TRPC1: variants seen among roughly 807,000 people sequenced by gnomAD.
TRPC1 encodes the protein transient receptor potential cation channel subfamily C member 1, also known as short transient receptor potential channel 1.
Under a neutral mutation model 88.2 loss-of-function variants are expected in TRPC1, and 42 were observed. The observed-to-expected ratio is 0.48, with a 90% CI of 0.37 to 0.62. The LOEUF is 0.62. Among genes scored for constraint, TRPC1 ranks in the 20% least tolerant of loss-of-function variants. TRPC1 has a pLI of 0.00. For missense variants in TRPC1, 699 were observed against 957.3 expected (o/e 0.73, Z 3.56); for synonymous variants, 288 against 331.8 (o/e 0.87, Z 1.43).
At chr3:142,766,774 G>C (rs986162406) in intron 4 of TRPC1, among the ~76,000 whole-genome samples, 1 of 152,088 alleles carries the variant, frequency 6.6e-6, no homozygotes, top group Non-Finnish European at 1.5e-5. Flanking sequence ...TTGCTCCTCA[G>C]CCTGCAGACG....
chr3:142,803,028 C>A (rs1322126719), intron 10 of TRPC1, among the ~76,000 whole-genome samples: 1 of 152,094 alleles, frequency 6.6e-6, no homozygotes, highest in Non-Finnish European at 1.5e-5. Context: ...AAGTGCTGAG[C>A]AAATGAAGTA....
At chr3:142,754,535 A>G (rs1934892544) in intron 4 of TRPC1, among the ~76,000 whole-genome samples, 1 of 152,234 alleles carries the variant, frequency 6.6e-6, no homozygotes, top group African/African-American at 2.4e-5. Flanking sequence ...AAGTATAATA[A>G]AAAAATAAAA....
chr3:142,796,807 A>G (rs1406119516), intron 9 of TRPC1, among the ~76,000 whole-genome samples: 1 of 152,124 alleles, frequency 6.6e-6, no homozygotes, highest in East Asian at 1.9e-4. Flanking sequence ...TGAATCTGGC[A>G]TTTAAAGTGT....
chr3:142,793,080 T>C, intron 9 of TRPC1, 113 bp downstream of exon 9: 1 of 963,868 alleles, frequency 1.0e-6, no homozygotes, highest in South Asian at 2.5e-5. Context: ...AACTTTGCTC[T>C]TGAGAATAAG....
rs1246638174 is a variant in TRPC1, at chr3:142,767,217, A to G, written c.633-10415A>G. Among the ~76,000 whole-genome samples, 1 of 152,132 alleles carries G rather than the reference A, an allele frequency of 6.6e-6. No homozygotes were observed. The highest frequency in any genetic ancestry group is 2.4e-5 in the African/African-American group (1 of 41,450). On this transcript the variant is annotated intron_variant, in intron 4 of 12. Transcript: ENST00000476941. This position sits in a 1 kb window ranked among gnomAD's most constrained non-coding sequence, Gnocchi z 5.1. ...ATTTTATACTTTTTGATACTATTGT[A>G]CATGAATTATTTTCTTAAATTTTAT... is the stretch of plus-strand genomic sequence containing the variant.
intron 4 of TRPC1, among the ~76,000 whole-genome samples, chr3:142,753,458 G>A (rs568155849): frequency 1.3e-5 from 2 of 152,186 alleles, no homozygotes; most frequent in South Asian, 4.2e-4. Flanking sequence ...CAGAAGAAAA[G>A]GAGGTTAACA....
At chr3:142,783,752 T>C (rs918299474) in intron 6 of TRPC1, among the ~76,000 whole-genome samples, 1 of 152,208 alleles carries the variant, frequency 6.6e-6, no homozygotes, top group African/African-American at 2.4e-5. Context: ...TATTCTGTTT[T>C]GGGATAAATC....
chr3:142,761,044 T>A (rs767190997), intron 4 of TRPC1, among the ~76,000 whole-genome samples: 1 of 152,174 alleles, frequency 6.6e-6, no homozygotes, highest in Admixed American at 6.5e-5. Context: ...ACAAGGCTAA[T>A]ATGACTTCTT....
At chr3:142,775,156 C>T (rs1201029255) in intron 4 of TRPC1, among the ~76,000 whole-genome samples, 5 of 151,964 alleles carry the variant, frequency 3.3e-5, no homozygotes, top group African/African-American at 1.2e-4. Context: ...TAGATCATAA[C>T]TGAATTTCAT....
chr3:142,761,717 T>C (rs781453009), intron 4 of TRPC1, among the ~76,000 whole-genome samples: 1 of 152,172 alleles, frequency 6.6e-6, no homozygotes, highest in Non-Finnish European at 1.5e-5. Context: ...ACTTCTTTGA[T>C]GGGAAACTTT....
At chr3:142,732,528 TA>T (rs1933963467) in intron 1 of TRPC1, among the ~76,000 whole-genome samples, 1 of 152,102 alleles carries the variant, frequency 6.6e-6, no homozygotes, top group African/African-American at 2.4e-5. Flanking sequence ...CTGTGTTAGT[TA>T]AGAGGCTATT....
intron 12 of TRPC1, 102 bp from the exon 13 acceptor site, chr3:142,805,906 A>T: frequency 1.0e-6 from 1 of 993,038 alleles, no homozygotes; most frequent in Non-Finnish European, 1.5e-6. Flanking sequence ...TAGTCTAATA[A>T]AGCATTTAAA....
At position 142,790,600 on chromosome 3, in the gene TRPC1, G is replaced by A. The variant is rs1038893690; in HGVS notation, c.1298-419G>A. Among the ~76,000 whole-genome samples the A allele has an allele frequency of 1.3e-5, 2 of 152,138 alleles. 1 individual carries two copies. The highest frequency in any genetic ancestry group is 4.1e-4 in the South Asian group (2 of 4,828). ...AAGTAGTAAGTATAGGTAGAGAAAA[G>A]AAAAGGATCAGGGACTGAGCCCCTT... On this transcript the variant is annotated intron_variant, in intron 7 of 12. Coordinates refer to ENST00000476941, the MANE Select transcript of TRPC1 (RefSeq NM_001251845.2).
intron 7 of TRPC1, among the ~76,000 whole-genome samples, chr3:142,790,721 T>C (rs950514529): frequency 3.9e-5 from 6 of 152,126 alleles, no homozygotes; most frequent in Non-Finnish European, 2.9e-5. Flanking sequence ...TCCATGTGCA[T>C]GCATCCGTGT....
In TRPC1 at chr3:142,806,267, C is replaced by A; in HGVS notation, c.*32C>A. The A allele has an allele frequency of 6.5e-7, 1 of 1,534,840 alleles. No homozygotes were observed. The highest frequency in any genetic ancestry group is 1.2e-5 in the South Asian group (1 of 85,358). ...TCTAAATCATGGAGCGAATAATTTT[C>A]AATAACAGATCCAAAAGACTATATT... On this transcript the variant is annotated 3_prime_UTR_variant, in exon 13 of 13. Transcript: ENST00000476941.
In TRPC1 at chr3:142,784,788, A is replaced by G. The variant is rs1936079986; in HGVS notation, c.1045A>G (p.Lys349Glu). The G allele has an allele frequency of 1.9e-6, 3 of 1,614,050 alleles. No individual in the cohort carries two copies. The highest frequency in any genetic ancestry group is 1.7e-5 in the Admixed American group (1 of 60,014). ...MSGYRRKPTC[K>E]KIMTVLTVGI... ...GGGTTACCGACGCAAGCCCACCTGT[A>G]AGAAGATAATGACTGTTTTGACAGT... Residue 349 changes from lysine (K) to glutamate (E), a missense_variant, in exon 7 of 13, where the codon AAG becomes GAG. Physicochemically the swap from Lys to Glu is moderately conservative, Grantham distance 56. This residue lies in a region of TRPC1 where 426 missense variants were observed against 641.3 expected (regional missense o/e 0.66). Coordinates refer to ENST00000476941, the MANE Select transcript of TRPC1 (RefSeq NM_001251845.2).
chr3:142,800,644 C>T (rs976270166), intron 9 of TRPC1, among the ~76,000 whole-genome samples: 28 of 152,018 alleles, frequency 1.8e-4, no homozygotes, highest in East Asian at 1.9e-4. Context: ...AGGCCAGGCA[C>T]GGTGGCTCAC....
chr3:142,742,036 A>ATG, intron 2 of TRPC1, among the ~76,000 whole-genome samples: 1 of 151,652 alleles, frequency 6.6e-6, no homozygotes, highest in East Asian at 1.9e-4. Context: ...GGTGGCATGC[A>ATG]CCTGTAGTCC....
chr3:142,728,621 T>C (rs1933777474), intron 1 of TRPC1, among the ~76,000 whole-genome samples: 1 of 152,136 alleles, frequency 6.6e-6, no homozygotes, highest in South Asian at 2.1e-4. Flanking sequence ...GTGCCTGGCC[T>C]GATGACTGAC....
Sources: allele counts gnomAD v4.1 joint callset (sites outside exome capture counted in the v4.1 genomes callset), GRCh38; gene constraint gnomAD v4.1.1; regional missense constraint gnomAD v4.1.1; non-coding constraint Gnocchi (gnomAD v3.1); transcripts MANE v1.5; gene names NCBI Gene and HGNC (gene_info 2026-07-23, HGNC 2026-07-21).